ZNF786: variants seen among roughly 807,000 people sequenced by gnomAD.
ZNF786 encodes zinc finger protein 786.
A neutral mutation model predicts 63.1 loss-of-function variants in ZNF786; 56 were observed. The ratio of observed to expected loss-of-function variants is 0.89; its 90% CI spans 0.72 to 1.11. The LOEUF (loss-of-function observed/expected upper bound fraction) is 1.11, where lower values mean the gene tolerates loss of function less well. Ranked by LOEUF, ZNF786 falls within the 50% of genes least tolerant of loss-of-function variation. The pLI, the probability that ZNF786 is intolerant of heterozygous loss-of-function variation, is 0.00. For synonymous variants in ZNF786, 485 were observed against 406.9 expected (o/e 1.19, Z -2.31); for missense variants, 1,213 against 1,041.8 (o/e 1.16, Z -2.26).
intron 3 of ZNF786, among the ~76,000 whole-genome samples, chr7:149,074,040 G>A (rs1377309794): frequency 6.6e-6 from 1 of 151,328 alleles, no homozygotes; most frequent in Non-Finnish European, 1.5e-5. Flanking sequence ...TGATCTGCCC[G>A]CCTCGGCCAC....
At chr7:149,082,678 G>A (rs907357168) in intron 1 of ZNF786, among the ~76,000 whole-genome samples, 1 of 146,756 alleles carries the variant, frequency 6.8e-6, no homozygotes, top group Non-Finnish European at 1.5e-5. Context: ...CTTCCCAGAT[G>A]CAAGCAATTC....
Position 149,071,268 on chromosome 7 carries a change from G to A in ZNF786, c.1504C>T (p.Arg502Trp), listed in dbSNP as rs1191318323. The change falls in exon 4 of 4, where the codon CGG (arginine) becomes TGG (tryptophan). Residue 502 changes from arginine to tryptophan, a missense_variant. Coordinates refer to ENST00000491431, the MANE Select transcript of ZNF786 (RefSeq NM_152411.4). ...GAGAACGGCCTCTCCCCACCGTGCCGGAGCCGGTGGGCTCTCAGCATGCTC... is the reference window on the plus strand; with the variant it reads ...GAGAACGGCCTCTCCCCACCGTGCCAGAGCCGGTGGGCTCTCAGCATGCTC... ...LESMLRAHRL[R>W]HGGERPFSCS... 2.5e-6 allele frequency: 4 copies of A among 1,607,800 alleles called. No individual in the cohort carries two copies. Among genetic ancestry groups the A allele is most frequent in the African/African-American group, 1.4e-5 (1 of 73,252 alleles).
In ZNF786 at chr7:149,071,093, C is replaced by T. The variant is rs769924422; in HGVS notation, c.1679G>A (p.Ser560Asn). Reference sequence around the variant, plus strand: ...CCCGCACGAGAACGGCCTCTCCTTGCTGTGCGTGTGCTGGTGGGCCTTCAG... The same window carrying T: ...CCCGCACGAGAACGGCCTCTCCTTGTTGTGCGTGTGCTGGTGGGCCTTCAG... Reference protein sequence around the residue: ...GILKAHQHTHSKERPFSCGEC... With the variant: ...GILKAHQHTHNKERPFSCGEC... The change falls in exon 4 of 4, where the codon AGC becomes AAC. Residue 560 changes from serine to asparagine, a missense_variant. Ser to Asn is a conservative substitution (Grantham distance 46). Coordinates refer to ENST00000491431, the MANE Select transcript of ZNF786 (RefSeq NM_152411.4). 1.2e-6 allele frequency: 2 copies of T among 1,611,784 alleles called. No homozygotes were observed. The highest frequency in any genetic ancestry group is 8.5e-7 in the Non-Finnish European group (1 of 1,179,376).
At position 149,080,750 on chromosome 7, in the gene ZNF786, T is replaced by C. The variant is rs759737334; in HGVS notation, c.19-33A>G. 5.8e-6 allele frequency: 9 copies of C among 1,562,168 alleles called. 1 individual carries two copies. The South Asian group carries it at 9.7e-5, about 17-fold the overall frequency. On this transcript the variant is annotated intron_variant, in intron 1 of 3. Transcript: ENST00000491431. Reference sequence around the variant, plus strand: ...TGTAGACATAAGACATATGCATTCATGGTTGCTTCAAAATGACTCCAGCTC... The same window carrying C: ...TGTAGACATAAGACATATGCATTCACGGTTGCTTCAAAATGACTCCAGCTC...
intron 1 of ZNF786, 105 bp downstream of exon 1, chr7:149,090,518 G>C: frequency 7.8e-7 from 1 of 1,280,562 alleles, no homozygotes; most frequent in Non-Finnish European, 1.0e-6. Flanking sequence ...CGTCCTACCC[G>C]TGCACCGCGC....
chr7:149,081,758 A>G (rs766519946), intron 1 of ZNF786, among the ~76,000 whole-genome samples: 13 of 152,174 alleles, frequency 8.5e-5, no homozygotes, highest in Admixed American at 3.9e-4. Flanking sequence ...AGCCACAGCA[A>G]TCAAGCAAGA....
At chr7:149,087,851 G>A (rs1825762516) in intron 1 of ZNF786, among the ~76,000 whole-genome samples, 2 of 150,078 alleles carry the variant, frequency 1.3e-5, no homozygotes, top group Admixed American at 1.3e-4. Flanking sequence ...GTGCAGTGGT[G>A]CCAACACAGC....
chr7:149,070,420 G>A lies in ZNF786; in HGVS notation c.*3C>T. 1 of 1,611,316 alleles carries A rather than the reference G, an allele frequency of 6.2e-7. No homozygotes were observed. The highest frequency in any genetic ancestry group is 1.1e-5 in the South Asian group (1 of 90,852). On this transcript the variant is annotated 3_prime_UTR_variant, in exon 4 of 4. Transcript: ENST00000491431. ...CTCAACGCTTTGGATGTCCCACTCT[G>A]CCTCAACTCCAATCGGCCTCTATCA...
rs762392015 is a variant in ZNF786, at chr7:149,070,534, C to T, written c.2238G>A (p.Lys746=). ...DCGKGFIYKS[K]LAEHIRVHTK... ...TGTGTACTCTGATGTGCTCCGCAAGCTTAGACTTGTAAATGAAGCCCTTCC... is the reference window on the plus strand; with the variant it reads ...TGTGTACTCTGATGTGCTCCGCAAGTTTAGACTTGTAAATGAAGCCCTTCC... Residue 746 remains lysine, a synonymous_variant, in exon 4 of 4, where the codon AAG becomes AAA. Transcript: ENST00000491431. 6.2e-7 allele frequency: 1 copy of T among 1,613,938 alleles called. No individual in the cohort carries two copies. Among genetic ancestry groups the T allele is most frequent in the African/African-American group, 1.3e-5 (1 of 74,946 alleles).
Position 149,071,070 on chromosome 7 carries a change from C to A in ZNF786, c.1702G>T (p.Gly568Trp). The part of the protein sequence containing the change: ...THSKERPFSC[G>W]ECGKGFTRQS... ...CTGGTGAAGCCCTTGCCACACTCCC[C>A]GCACGAGAACGGCCTCTCCTTGCTG... The change falls in exon 4 of 4, where the codon GGG (glycine) becomes TGG (tryptophan). Residue 568 changes from glycine to tryptophan, a missense_variant. By Grantham distance (184) the Gly-to-Trp change is radical. Coordinates refer to ENST00000491431, the MANE Select transcript of ZNF786 (RefSeq NM_152411.4). 1 of 1,609,150 alleles carries A rather than the reference C, an allele frequency of 6.2e-7. No homozygotes were observed. Among genetic ancestry groups the A allele is most frequent in the South Asian group, 1.1e-5 (1 of 90,864 alleles).
At chr7:149,081,656 G>C (rs1273802417) in intron 1 of ZNF786, among the ~76,000 whole-genome samples, 2 of 152,042 alleles carry the variant, frequency 1.3e-5, no homozygotes, top group Non-Finnish European at 2.9e-5. Flanking sequence ...ACCTTTGCCA[G>C]CACAAGATGT....
intron 1 of ZNF786, among the ~76,000 whole-genome samples, chr7:149,090,302 T>C (rs1274534638): frequency 3.9e-5 from 6 of 152,236 alleles, no homozygotes; most frequent in Non-Finnish European, 7.3e-5. Context: ...CATCCACCTC[T>C]GGCCCCAAAC....
intron 3 of ZNF786, among the ~76,000 whole-genome samples, chr7:149,074,055 A>C (rs1825496880): frequency 6.6e-6 from 1 of 151,668 alleles, no homozygotes; most frequent in African/African-American, 2.4e-5. Flanking sequence ...GGCCACCCAA[A>C]GTGCTGGGAT....
chr7:149,081,053 G>A (rs1343708304), intron 1 of ZNF786: 2 of 466,662 alleles, frequency 4.3e-6, no homozygotes, highest in East Asian at 6.5e-5. Context: ...TATATATTGA[G>A]GCAAATTCAT....
At chr7:149,088,223 G>C (rs1469627581) in intron 1 of ZNF786, among the ~76,000 whole-genome samples, 2 of 152,156 alleles carry the variant, frequency 1.3e-5, no homozygotes, top group East Asian at 3.9e-4. Flanking sequence ...GGCTGGTCTT[G>C]AATTCCTGAC....
At chr7:149,072,541 A>C in intron 3 of ZNF786, 68 bp from the exon 4 acceptor site, 1 of 1,463,064 alleles carries the variant, frequency 6.8e-7, no homozygotes. Context: ...CTCACAGTCA[A>C]GTGACCCACA....
At chr7:149,085,174 A>G (rs1825715598) in intron 1 of ZNF786, among the ~76,000 whole-genome samples, 1 of 152,162 alleles carries the variant, frequency 6.6e-6, no homozygotes, top group Admixed American at 6.6e-5. Flanking sequence ...TACCAGTACC[A>G]TGCTGTTTTG....
At chr7:149,081,435 CAAAAAA>C (rs749538585) in intron 1 of ZNF786, among the ~76,000 whole-genome samples, 38 of 46,226 alleles carry the variant, frequency 8.2e-4, no homozygotes, top group African/African-American at 2.5e-3. Context: ...GACTCGGTCT[CAAAAAA>C]AAAAAAAAAA....
At chr7:149,074,285 TTCAAACC>T in intron 3 of ZNF786, 94 bp downstream of exon 3, 1 of 1,413,614 alleles carries the variant, frequency 7.1e-7, no homozygotes, top group Non-Finnish European at 9.7e-7. Flanking sequence ...GATAAGAGTC[TTCAAACC>T]TCAGCTTGCC....
Sources: allele counts gnomAD v4.1 joint callset (sites outside exome capture counted in the v4.1 genomes callset), GRCh38; gene constraint gnomAD v4.1.1; transcripts MANE v1.5; gene names NCBI Gene and HGNC (gene_info 2026-07-23, HGNC 2026-07-21).